MTAP: variants seen among roughly 807,000 people sequenced by gnomAD.
MTAP encodes the protein methylthioadenosine phosphorylase.
A neutral mutation model predicts 33.6 loss-of-function variants in MTAP; 33 were observed. That is an observed-to-expected ratio of 0.98 (90% CI 0.74 to 1.31). The LOEUF (loss-of-function observed/expected upper bound fraction) is 1.31, where lower values mean the gene tolerates loss of function less well. MTAP is among the 40% of genes most tolerant of loss of function. The pLI is 0.00. For synonymous variants in MTAP, 148 were observed against 125.7 expected, an observed-to-expected ratio of 1.18 and a Z score of -1.19; for missense variants, 367 against 360.0, an observed-to-expected ratio of 1.02 and a Z score of -0.16.
At chr9:21,848,083 G>A (rs1276269627) in intron 5 of MTAP, among the ~76,000 whole-genome samples, 1 of 152,152 alleles carries the variant, frequency 6.6e-6, no homozygotes, top group Non-Finnish European at 1.5e-5. Context: ...GCTGCCATCA[G>A]CCTTTTCACC....
chr9:21,864,446 G>A lies in MTAP; in HGVS notation c.*2432G>A, dbSNP rs1408718653. The stretch of plus-strand genomic sequence containing the variant: ...CAAAGGATGGATGGTGAGCATCATG[G>A]GAAAGCTGTAGTTTAGTGACTTAGC... On this transcript the variant is annotated 3_prime_UTR_variant, in exon 8 of 8. Transcript: ENST00000644715. The A allele has an allele frequency of 3.0e-6, 3 of 985,272 alleles. No individual in the cohort carries two copies. The African/African-American group carries it at 5.2e-5, about 17-fold the overall frequency. 61.0% of individuals were successfully genotyped at this position (985,272 alleles called of 1,614,324 possible).
rs138349513 is a variant in MTAP, at chr9:21,902,612, A to G, written c.148-28396A>G. Among the ~76,000 whole-genome samples the G allele has an allele frequency of 3.9e-3, 591 of 152,346 alleles. 6 individuals carry two copies. Among genetic ancestry groups the G allele is most frequent in the African/African-American group, 0.013 (527 of 41,584 alleles). On this transcript the variant is annotated intron_variant, in intron 1 of 1. Coordinates refer to the MTAP transcript ENST00000577563. ...ATTACAAATTGTTACTTGTTCCCTT[A>G]TGAACTTTCTGACCTAAGTATTCTC... is the stretch of plus-strand genomic sequence containing the variant.
downstream of MTAP, among the ~76,000 whole-genome samples, chr9:21,939,717 T>G (rs1046540480): frequency 6.6e-6 from 1 of 151,624 alleles, no homozygotes; most frequent in African/African-American, 2.4e-5. Context: ...ATAATAATAA[T>G]AATAATAATA....
chr9:21,834,781 T>G (rs1460277307), intron 4 of MTAP, among the ~76,000 whole-genome samples: 1 of 152,220 alleles, frequency 6.6e-6, no homozygotes, highest in Non-Finnish European at 1.5e-5. Context: ...TAGTTCCCCT[T>G]TGCCATCTAA....
chr9:21,903,142 G>A (rs1383176336), intron 1 of MTAP, among the ~76,000 whole-genome samples: 1 of 152,048 alleles, frequency 6.6e-6, no homozygotes, highest in Non-Finnish European at 1.5e-5. Flanking sequence ...CATTGAATGG[G>A]GCCTGCTTTG....
chr9:21,821,710 C>T (rs1420361758), intron 4 of MTAP, among the ~76,000 whole-genome samples: 2 of 152,146 alleles, frequency 1.3e-5, no homozygotes, highest in Non-Finnish European at 2.9e-5. Context: ...GTACCAGCTC[C>T]TCCTTGTACC....
In MTAP at chr9:21,862,020, C is replaced by T. The variant is rs1204390852; in HGVS notation, c.*6C>T. ...TTTTATTACCAAGACATTAAAGTAG[C>T]ATGGCTGCCCAGGAGAAAAGAAGAC... On this transcript the variant is annotated 3_prime_UTR_variant, in exon 8 of 8. Transcript: ENST00000644715. The T allele has an allele frequency of 3.1e-6, 5 of 1,612,288 alleles. No individual in the cohort carries two copies. The African/African-American group carries it at 4.0e-5, about 13-fold the overall frequency.
chr9:21,854,637 A>G lies in MTAP; in HGVS notation c.457A>G (p.Ile153Val). The G allele has an allele frequency of 1.3e-6, 2 of 1,578,332 alleles. No individual in the cohort carries two copies. The highest frequency in any genetic ancestry group is 8.6e-7 in the Non-Finnish European group (1 of 1,163,706). The change falls in exon 6 of 8, where the codon ATA becomes GTA. Residue 153 changes from isoleucine to valine, a missense_variant. Ile to Val is a conservative substitution (Grantham distance 29). Coordinates refer to ENST00000644715, the MANE Select transcript of MTAP (RefSeq NM_002451.4). The part of the protein sequence containing the change: ...PFCPKTREVL[I>V]ETAKKLGLRC... ...TCTGGTTTTTCTTTTCTAGGTTCTT[A>G]TAGAGACTGCTAAGAAGCTAGGACT...
intron 6 of MTAP, among the ~76,000 whole-genome samples, chr9:21,858,665 G>A (rs895745347): frequency 1.3e-5 from 2 of 152,116 alleles, no homozygotes; most frequent in African/African-American, 2.4e-5. Flanking sequence ...CTCCCACCAG[G>A]CCCCACCTCC....
intron 1 of MTAP, among the ~76,000 whole-genome samples, chr9:21,805,054 A>G (rs1425142740): frequency 6.6e-6 from 1 of 152,210 alleles, no homozygotes; most frequent in African/African-American, 2.4e-5. Flanking sequence ...TAGGTATAGG[A>G]GGCACATGTG....
chr9:21,874,424 G>A (rs1825976909), intron 1 of MTAP, among the ~76,000 whole-genome samples: 2 of 152,076 alleles, frequency 1.3e-5, no homozygotes, highest in Non-Finnish European at 2.9e-5. Flanking sequence ...CAGGATCCAA[G>A]TAAAGTCTAT....
chr9:21,909,756 C>T (rs113582829), intron 1 of MTAP, among the ~76,000 whole-genome samples: 2,687 of 152,226 alleles, frequency 0.018, 81 homozygotes, highest in African/African-American at 0.061. Flanking sequence ...GATAGTATGG[C>T]ATTCATTTAA....
intron 1 of MTAP, among the ~76,000 whole-genome samples, chr9:21,906,983 C>G (rs1283897566): frequency 1.3e-5 from 2 of 152,178 alleles, no homozygotes; most frequent in African/African-American, 2.4e-5. Flanking sequence ...CCCAGTAATT[C>G]TAAACTGTAT....
At chr9:21,938,250 G>A (rs937925688), downstream of MTAP, among the ~76,000 whole-genome samples, 15 of 150,824 alleles carry the variant, frequency 9.9e-5, no homozygotes, top group African/African-American at 2.9e-4. Flanking sequence ...CTCCAGCCTC[G>A]GCAACAGAGC....
rs1587258914 is a variant in MTAP at position 21,863,300 on chromosome 9, G to A, written c.*1286G>A. 1.0e-6 allele frequency: 1 copy of A among 984,148 alleles called. No homozygotes were observed. Among genetic ancestry groups the A allele is most frequent in the Non-Finnish European group, 1.2e-6 (1 of 829,070 alleles). 61.0% of individuals were successfully genotyped at this position (984,148 alleles called of 1,614,324 possible). A position where few individuals can be genotyped will look rare whatever the true frequency, so the allele number is the denominator to read the frequency against. On this transcript the variant is annotated 3_prime_UTR_variant, in exon 8 of 8. Transcript: ENST00000644715. ...TTGCTTTTTTAACTCTTTTTTTATT[G>A]TTATTTTATAGAAATGCTTTTTGTT...
chr9:21,856,601 C>G (rs1277213382), intron 6 of MTAP, among the ~76,000 whole-genome samples: 1 of 152,166 alleles, frequency 6.6e-6, no homozygotes, highest in Non-Finnish European at 1.5e-5. Flanking sequence ...CATATGTCTC[C>G]TCCTTTGTAG....
chr9:21,813,458 G>A (rs1824401314), intron 1 of MTAP, among the ~76,000 whole-genome samples: 1 of 152,190 alleles, frequency 6.6e-6, no homozygotes. Context: ...CTGAAGCTTG[G>A]GGTTGCTGAG....
rs1462019483 is a variant in MTAP at position 21,862,221 on chromosome 9, T to C, written c.*207T>C. ...CTTCAAAATACAGAAGAAAAGCAAA[T>C]GACTAGTAAACATGTGGGAAAAAAT... On this transcript the variant is annotated 3_prime_UTR_variant, in exon 8 of 8. Transcript: ENST00000644715. The C allele has an allele frequency of 7.9e-7, 1 of 1,265,676 alleles. No individual in the cohort carries two copies. The highest frequency in any genetic ancestry group is 1.5e-5 in the African/African-American group (1 of 64,844). The allele number at this position is 1,265,676 out of a possible 1,614,324, so 78.4% of individuals were successfully genotyped here. A position where few individuals can be genotyped will look rare whatever the true frequency, so the allele number is the denominator to read the frequency against.
At chr9:21,814,548 GTT>G (rs1236436827) in intron 1 of MTAP, among the ~76,000 whole-genome samples, 1 of 152,094 alleles carries the variant, frequency 6.6e-6, no homozygotes, top group Non-Finnish European at 1.5e-5. Context: ...AGTTTTAACA[GTT>G]TAGTTAATTT....
Sources: allele counts gnomAD v4.1 joint callset (sites outside exome capture counted in the v4.1 genomes callset), GRCh38; gene constraint gnomAD v4.1.1; transcripts MANE v1.5; gene names NCBI Gene and HGNC (gene_info 2026-07-23, HGNC 2026-07-21).